Variants in NETO1 observed in about 807,000 individuals in gnomAD.
NETO1 encodes neuropilin and tolloid-like protein 1.
In NETO1, 26 loss-of-function variants were observed where a neutral mutation model predicts 61.3. The ratio of observed to expected loss-of-function variants is 0.42; its 90% confidence interval spans 0.31 to 0.59. NETO1 has a LOEUF of 0.59. Ranked by LOEUF, NETO1 falls within the 20% of genes least tolerant of loss-of-function variation. The probability of loss-of-function intolerance (pLI) is 0.12; values close to 1 mark genes in which losing one functional copy is unlikely to be tolerated. For synonymous variants in NETO1, 225 were observed against 225.8 expected (o/e 1.00, Z 0.03); for missense variants, 531 against 662.8 (o/e 0.80, Z 2.18).
intron 4 of NETO1, among the ~76,000 whole-genome samples, chr18:72,854,031 T>C (rs1316720705): frequency 6.6e-6 from 1 of 152,062 alleles, no homozygotes; most frequent in Non-Finnish European, 1.5e-5. Context: ...CATGACAATA[T>C]TTTATTTTAA....
chr18:72,859,418 AT>A (rs1820351256), intron 3 of NETO1, among the ~76,000 whole-genome samples: 1 of 152,180 alleles, frequency 6.6e-6, no homozygotes, highest in African/African-American at 2.4e-5. Context: ...CTTTTCTCAT[AT>A]TTCCAGGAAT....
rs1391807702 is a variant in NETO1 at position 72,772,793 on chromosome 18, T to TCTCTCTCTCTC, written c.868+10884_868+10885insGAGAGAGAGAG. Among the ~76,000 whole-genome samples the TCTCTCTCTCTC allele has an allele frequency of 5.5e-3, 321 of 58,860 alleles. 43 individuals carry two copies. Among genetic ancestry groups the TCTCTCTCTCTC allele is most frequent in the Middle Eastern group, 0.022 (2 of 90 alleles). The allele number at this position is 58,860 out of a possible 152,430, so 38.6% of individuals were successfully genotyped here. A position where few individuals can be genotyped will look rare whatever the true frequency, so the allele number is the denominator to read the frequency against. On this transcript the variant is annotated intron_variant, in intron 7 of 10. Transcript: ENST00000327305. ...TATATATATACAGATCTCTATATAGTTCTCTCTCTCTCTCTCTCTCTCTCT... is the reference window on the plus strand; with the variant it reads ...TATATATATACAGATCTCTATATAGTCTCTCTCTCTCTCTCTCTCTCTCTCTCTCTCTCTCT...
intron 6 of NETO1, among the ~76,000 whole-genome samples, chr18:72,792,321 G>A (rs941502212): frequency 3.9e-5 from 6 of 152,070 alleles, no homozygotes; most frequent in Admixed American, 6.6e-5. Flanking sequence ...TGTAATTCCC[G>A]AAGCAAGAAA....
At position 72,825,180 on chromosome 18, in the gene NETO1, C is replaced by T. The variant is rs186169253; in HGVS notation, c.470-30776G>A. ...TGACTTCGTAAAGAAAAACAATCTG[C>T]GAAAACTCAAAGACTGGAATGTACA... On this transcript the variant is annotated intron_variant, in intron 4 of 10. Coordinates refer to ENST00000327305, the MANE Select transcript of NETO1 (RefSeq NM_138966.5). Among the ~76,000 whole-genome samples, 17 of 152,260 alleles carry T rather than the reference C, an allele frequency of 1.1e-4. No individual in the cohort carries two copies. The East Asian group carries it at 1.7e-3, about 16-fold the overall frequency.
Position 72,747,516 on chromosome 18 carries a change from T to C in NETO1, c.*663A>G, listed in dbSNP as rs973275078. ...AAAGGATTTCTGAAACTCAGTACTT[T>C]CTTTGATATAAAACAAAAAGGAAAT... On this transcript the variant is annotated 3_prime_UTR_variant, in exon 11 of 11. Transcript: ENST00000327305. The C allele has an allele frequency of 1.3e-5, 2 of 152,112 alleles. No homozygotes were observed. Among genetic ancestry groups the C allele is most frequent in the Non-Finnish European group, 2.9e-5 (2 of 67,980 alleles). 9.4% of individuals were successfully genotyped at this position (152,112 alleles called of 1,614,324 possible).
At chr18:72,826,944 C>T (rs1187433669) in intron 4 of NETO1, among the ~76,000 whole-genome samples, 10 of 152,104 alleles carry the variant, frequency 6.6e-5, no homozygotes, top group African/African-American at 2.4e-4. Flanking sequence ...ACAGTGCCCG[C>T]GCTGTTCTGG....
At chr18:72,815,345 C>T (rs577286056) in intron 4 of NETO1, among the ~76,000 whole-genome samples, 2 of 152,246 alleles carry the variant, frequency 1.3e-5, no homozygotes, top group African/African-American at 4.8e-5. Flanking sequence ...CTCCACATGA[C>T]ACCAGAGTGA....
intron 4 of NETO1, among the ~76,000 whole-genome samples, chr18:72,815,230 A>C (rs1265233674): frequency 6.6e-6 from 1 of 152,202 alleles, no homozygotes; most frequent in African/African-American, 2.4e-5. Context: ...AGTATTTAGA[A>C]GACAACAAAA....
At chr18:72,770,367 G>A (rs947444262) in intron 7 of NETO1, among the ~76,000 whole-genome samples, 1 of 151,784 alleles carries the variant, frequency 6.6e-6, no homozygotes, top group Middle Eastern at 3.2e-3. Context: ...TGATGTTTCT[G>A]TATTAATAAC....
In NETO1 at chr18:72,743,790, A is replaced by G. The variant is rs886668537; in HGVS notation, c.*4389T>C. 1 of 152,158 alleles carries G rather than the reference A, an allele frequency of 6.6e-6. No homozygotes were observed. Among genetic ancestry groups the G allele is most frequent in the East Asian group, 1.9e-4 (1 of 5,194 alleles). 9.4% of individuals were successfully genotyped at this position (152,158 alleles called of 1,614,324 possible). ...ATAAAAAGAATGTTTTATTTTAAAT[A>G]ATTTATACATTGTTTTCTGGTCATT... On this transcript the variant is annotated 3_prime_UTR_variant, in exon 11 of 11. Coordinates refer to ENST00000327305, the MANE Select transcript of NETO1 (RefSeq NM_138966.5).
chr18:72,749,991 A>G, intron 9 of NETO1, 71 bp downstream of exon 9: 2 of 1,168,100 alleles, frequency 1.7e-6, no homozygotes, highest in East Asian at 2.4e-5. Context: ...AAGACAAAAT[A>G]GAAGACAATA....
Position 72,830,413 on chromosome 18 carries a change from A to G in NETO1, c.469+28413T>C, listed in dbSNP as rs963377564. 6.6e-6 allele frequency among the ~76,000 whole-genome samples: 1 copy of G among 152,168 alleles called. No homozygotes were observed. The highest frequency in any genetic ancestry group is 1.5e-5 in the Non-Finnish European group (1 of 68,026). ...AGTAGCGCCACATGTGTTTTCAGAA[A>G]AATTTTGTGAGATCACCTTTGCTGG... On this transcript the variant is annotated intron_variant, in intron 4 of 10. Coordinates refer to ENST00000327305, the MANE Select transcript of NETO1 (RefSeq NM_138966.5). The surrounding 1 kb of genome is among the most constrained non-coding windows in gnomAD (Gnocchi z 4.9).
chr18:72,796,697 C>A (rs575082261), intron 4 of NETO1, among the ~76,000 whole-genome samples: 6 of 152,024 alleles, frequency 3.9e-5, no homozygotes, highest in African/African-American at 1.4e-4. Flanking sequence ...ATCTCCTGAC[C>A]TCATGATCCG....
At chr18:72,860,414 C>T (rs753744) in intron 3 of NETO1, among the ~76,000 whole-genome samples, 26,321 of 152,058 alleles carry the variant, frequency 0.17, 3,042 homozygotes, top group Middle Eastern at 0.28. Flanking sequence ...CTCTGGTATG[C>T]GTGGTTTTCA....
At chr18:72,829,775 C>T (rs1025344416) in intron 4 of NETO1, among the ~76,000 whole-genome samples, 2 of 152,166 alleles carry the variant, frequency 1.3e-5, no homozygotes, top group African/African-American at 2.4e-5. Flanking sequence ...ACAGTGTTCA[C>T]GCTGGTGCTC....
chr18:72,858,534 C>T (rs1054639053), intron 4 of NETO1, among the ~76,000 whole-genome samples: 4 of 152,180 alleles, frequency 2.6e-5, no homozygotes, highest in African/African-American at 9.7e-5. Flanking sequence ...TTATCACAGA[C>T]TGTCTCTCCA....
At chr18:72,759,401 T>C (rs145373627) in intron 7 of NETO1, among the ~76,000 whole-genome samples, 159 of 152,368 alleles carry the variant, frequency 1.0e-3, no homozygotes, top group African/African-American at 3.5e-3. Flanking sequence ...TATTTGAGGC[T>C]TGTGACTATG....
chr18:72,860,949 T>A (rs1015719174), intron 3 of NETO1, among the ~76,000 whole-genome samples: 1 of 152,236 alleles, frequency 6.6e-6, no homozygotes, highest in Non-Finnish European at 1.5e-5. Flanking sequence ...ACAAGTTTTA[T>A]GATGAAACAA....
intron 4 of NETO1, among the ~76,000 whole-genome samples, chr18:72,819,555 C>T (rs373336379): frequency 7.9e-5 from 12 of 151,712 alleles, no homozygotes; most frequent in East Asian, 3.9e-4. Context: ...CTAATAATGC[C>T]GACACTAAAA....
Sources: allele counts gnomAD v4.1 joint callset (sites outside exome capture counted in the v4.1 genomes callset), GRCh38; gene constraint gnomAD v4.1.1; non-coding constraint Gnocchi (gnomAD v3.1); transcripts MANE v1.5; gene names NCBI Gene and HGNC (gene_info 2026-07-23, HGNC 2026-07-21).